The following HOMER2 variants were observed in gnomAD, a reference collection of about 807,000 sequenced individuals.
HOMER2 encodes the protein homer protein homolog 2.
Under a neutral mutation model 47.0 loss-of-function variants are expected in HOMER2, and 27 were observed. The observed-to-expected ratio is 0.57, with a 90% CI of 0.42 to 0.79. The LOEUF (loss-of-function observed/expected upper bound fraction) is 0.79, where lower values mean the gene tolerates loss of function less well. Among genes scored for constraint, HOMER2 ranks in the 30% least tolerant of loss-of-function variants. The pLI is 0.00. For missense variants in HOMER2, 443 were observed against 435.0 expected, an observed-to-expected ratio of 1.02 and a Z score of -0.16; for synonymous variants, 161 against 163.8, an observed-to-expected ratio of 0.98 and a Z score of 0.13.
At chr15:82,867,075 C>T (rs960726006) in intron 3 of HOMER2, among the ~76,000 whole-genome samples, 1 of 151,978 alleles carries the variant, frequency 6.6e-6, no homozygotes, top group Non-Finnish European at 1.5e-5. Flanking sequence ...GATTATTCAA[C>T]ATATAATTGA....
intron 2 of HOMER2, among the ~76,000 whole-genome samples, chr15:82,891,239 C>T (rs948175716): frequency 5.9e-5 from 9 of 152,124 alleles, no homozygotes; most frequent in Non-Finnish European, 7.4e-5. Flanking sequence ...ACTGGGCACC[C>T]GCCCCGGCCT....
chr15:82,875,750 C>A (rs1316875498), intron 2 of HOMER2, among the ~76,000 whole-genome samples: 1 of 152,230 alleles, frequency 6.6e-6, no homozygotes, highest in African/African-American at 2.4e-5. Flanking sequence ...CCCTTAATGG[C>A]TAGCCATGTC....
intron 4 of HOMER2, among the ~76,000 whole-genome samples, chr15:82,860,535 C>T (rs953668709): frequency 2.0e-5 from 3 of 152,026 alleles, no homozygotes; most frequent in Non-Finnish European, 2.9e-5. Context: ...AAAATCAATA[C>T]AAAAGATTAA....
intron 1 of HOMER2, among the ~76,000 whole-genome samples, chr15:82,980,078 GA>G (rs1249144254): frequency 6.6e-6 from 1 of 152,062 alleles, no homozygotes; most frequent in African/African-American, 2.4e-5. Context: ...CAGAGATAGA[GA>G]AGTGTATTAT....
intron 1 of HOMER2, among the ~76,000 whole-genome samples, chr15:82,918,018 C>T (rs1036015827): frequency 2.0e-5 from 3 of 152,050 alleles, no homozygotes; most frequent in African/African-American, 4.8e-5. Context: ...CCATCTACTC[C>T]GAGGAGCAGC....
downstream of HOMER2, chr15:82,835,564 C>T (rs1261627832): frequency 6.6e-6 from 1 of 152,472 alleles, no homozygotes; most frequent in African/African-American, 2.4e-5. Context: ...CCAGCCACTG[C>T]CAGGTTGCCC....
chr15:82,955,155 CTTTCTT>C (rs933979397), upstream of HOMER2, among the ~76,000 whole-genome samples: 12 of 150,114 alleles, frequency 8.0e-5, no homozygotes, highest in East Asian at 9.9e-4. Flanking sequence ...CGTATTTTTA[CTTTCTT>C]TTTCTTTTTC....
intron 2 of HOMER2, among the ~76,000 whole-genome samples, chr15:82,882,581 C>T (rs187693913): frequency 1.2e-4 from 18 of 152,328 alleles, no homozygotes; most frequent in Middle Eastern, 3.4e-3. Context: ...GAAATGTCTT[C>T]GTGTTTTAAG....
chr15:82,897,390 G>A (rs2151113454), intron 1 of HOMER2, among the ~76,000 whole-genome samples: 1 of 152,154 alleles, frequency 6.6e-6, no homozygotes, highest in African/African-American at 2.4e-5. Context: ...AAGTGACATG[G>A]AAACCCTCCC....
chr15:82,860,961 G>GAGAGAGAGAGAGAGAGAGAGAC (rs2051762323), intron 4 of HOMER2, among the ~76,000 whole-genome samples: 1 of 144,704 alleles, frequency 6.9e-6, no homozygotes, highest in Non-Finnish European at 1.5e-5. Flanking sequence ...GAAGATGAGA[G>GAGAGAGAGAGAGAGAGAGAGAC]AGAGAGAGAG....
chr15:82,954,486 T>C (rs556479620), upstream of HOMER2, among the ~76,000 whole-genome samples: 674 of 149,034 alleles, frequency 4.5e-3, 1 homozygote, highest in Non-Finnish European at 7.4e-3. Context: ...GTATTTTTAG[T>C]AGAGACAGGG....
downstream of HOMER2, chr15:82,846,136 G>A (rs1039513172): frequency 5.2e-5 from 8 of 152,446 alleles, no homozygotes; most frequent in African/African-American, 1.7e-4. Context: ...TCTCCAGGAA[G>A]GGGCGGGCAG....
intron 1 of HOMER2, among the ~76,000 whole-genome samples, chr15:82,978,866 G>A (rs2030295695): frequency 1.3e-5 from 2 of 152,190 alleles, no homozygotes; most frequent in Admixed American, 6.5e-5. Context: ...GACTACAGGT[G>A]TGTGCCACCA....
intron 2 of HOMER2, among the ~76,000 whole-genome samples, 154 bp from the exon 3 acceptor site, chr15:82,875,558 G>T (rs900552047): frequency 1.5e-4 from 23 of 152,206 alleles, no homozygotes; most frequent in African/African-American, 5.3e-4. Flanking sequence ...AACCCATGCT[G>T]AGTCAGATGA....
chr15:82,908,213 GA>G (rs988001749), intron 1 of HOMER2, among the ~76,000 whole-genome samples: 1 of 151,682 alleles, frequency 6.6e-6, no homozygotes, highest in Non-Finnish European at 1.5e-5. Context: ...GATTACAGTA[GA>G]AAAAAAATCA....
At chr15:82,875,623 T>G (rs1343074604) in intron 2 of HOMER2, among the ~76,000 whole-genome samples, 6 of 152,170 alleles carry the variant, frequency 3.9e-5, no homozygotes, top group Non-Finnish European at 2.9e-5. Flanking sequence ...TTCAGAGACT[T>G]AACAGTCAGT....
In HOMER2 at chr15:82,849,492, T is replaced by C; in HGVS notation, c.*223A>G. 1 of 560,862 alleles carries C rather than the reference T, an allele frequency of 1.8e-6. No homozygotes were observed. Among genetic ancestry groups the C allele is most frequent in the Non-Finnish European group, 3.2e-6 (1 of 316,470 alleles). The allele number at this position is 560,862 out of a possible 1,614,324, so 34.7% of individuals were successfully genotyped here. On this transcript the variant is annotated 3_prime_UTR_variant, in exon 9 of 9. Coordinates refer to ENST00000450735, the MANE Select transcript of HOMER2 (RefSeq NM_004839.4). The stretch of plus-strand genomic sequence containing the variant: ...GTTGAAGGTAGACCTAGTTCTGGAT[T>C]CCTGAGTCAGAATCTTCCAGTTGTC...
chr15:82,855,597 T>C (rs927042422), intron 5 of HOMER2, among the ~76,000 whole-genome samples: 1 of 152,180 alleles, frequency 6.6e-6, no homozygotes, highest in Admixed American at 6.5e-5. Context: ...CTGTGCCTTC[T>C]CAGAGCCTTT....
intron 1 of HOMER2, among the ~76,000 whole-genome samples, chr15:82,960,564 C>T (rs1423463080): frequency 4.6e-5 from 7 of 152,130 alleles, no homozygotes; most frequent in Non-Finnish European, 1.0e-4. Flanking sequence ...TTTTAAAAAG[C>T]GAGATAACTC....
Sources: gnomAD v4.1 joint callset for allele counts (sites outside exome capture counted in the v4.1 genomes callset) on GRCh38, gnomAD v4.1.1 for gene constraint, MANE v1.5 for transcripts, NCBI Gene and HGNC (gene_info 2026-07-23, HGNC 2026-07-21) for gene names.